The following ASZ1 variants were observed in gnomAD, a reference collection of about 807,000 sequenced individuals.
ASZ1 encodes the protein ankyrin repeat, SAM and basic leucine zipper domain containing 1, also known as ankyrin repeat, SAM and basic leucine zipper domain-containing protein 1.
ASZ1 carries 67 observed loss-of-function variants against 61.8 expected under a neutral mutation model. That is an observed-to-expected ratio of 1.08 (90% CI 0.89 to 1.33). The LOEUF (loss-of-function observed/expected upper bound fraction) is 1.33. Ranked by LOEUF, ASZ1 falls within the 40% of genes most tolerant of loss-of-function variation. The pLI is 0.00. For synonymous variants in ASZ1, 193 were observed against 192.7 expected, an observed-to-expected ratio of 1.00 and a Z score of -0.01; for missense variants, 577 against 554.5, an observed-to-expected ratio of 1.04 and a Z score of -0.41.
Position 117,405,726 on chromosome 7 carries a change from A to T in ASZ1, c.440+14437T>A, listed in dbSNP as rs187301213. 5.8e-4 allele frequency among the ~76,000 whole-genome samples: 88 copies of T among 152,320 alleles called. 1 individual carries two copies. In the Middle Eastern group the frequency reaches 0.014, roughly 24 times the overall value. On this transcript the variant is annotated intron_variant, in intron 4 of 12. Transcript: ENST00000284629. ...GTTGTGTGGGACCTCTACTGACTCA[A>T]ATAGGGATAGCACCATGTTTGAGAG...
chr7:117,364,411 CAGAGAGACAG>C (rs1346052303), intron 12 of ASZ1, among the ~76,000 whole-genome samples: 3 of 108,374 alleles, frequency 2.8e-5, no homozygotes, highest in African/African-American at 5.0e-5. Context: ...CTGTGAGAGA[CAGAGAGACAG>C]AGAGAGAGAG....
intron 2 of ASZ1, among the ~76,000 whole-genome samples, chr7:117,425,424 C>T (rs1477538329): frequency 1.3e-5 from 2 of 151,676 alleles, no homozygotes; most frequent in African/African-American, 2.4e-5. Flanking sequence ...CGCCACCACG[C>T]CCAGCTAATT....
intron 1 of ASZ1, 73 bp from the exon 2 acceptor site, chr7:117,427,008 G>T: frequency 7.2e-7 from 1 of 1,398,030 alleles, no homozygotes; most frequent in Non-Finnish European, 9.7e-7. Flanking sequence ...AAACAATAAT[G>T]TTTGGTTAAG....
intron 9 of ASZ1, among the ~76,000 whole-genome samples, chr7:117,380,594 A>C (rs536868896): frequency 6.6e-6 from 1 of 151,698 alleles, no homozygotes; most frequent in Non-Finnish European, 1.5e-5. Context: ...TCCCGCAGCT[A>C]TATGTTATTA....
intron 4 of ASZ1, among the ~76,000 whole-genome samples, chr7:117,401,618 G>C (rs995050441): frequency 6.6e-6 from 1 of 152,074 alleles, no homozygotes; most frequent in Non-Finnish European, 1.5e-5. Flanking sequence ...TGACAGGCTG[G>C]ACAAGAAAAT....
chr7:117,379,186 CA>C (rs1268423131), intron 10 of ASZ1, among the ~76,000 whole-genome samples: 1 of 146,322 alleles, frequency 6.8e-6, no homozygotes, highest in Non-Finnish European at 1.5e-5. Flanking sequence ...CACACACACA[CA>C]CACACACAAA....
chr7:117,379,911 T>A (rs1796218007), intron 10 of ASZ1, 27 bp downstream of exon 10: 2 of 1,403,816 alleles, frequency 1.4e-6, no homozygotes, highest in Non-Finnish European at 2.0e-6. Flanking sequence ...ACACTATTAA[T>A]AATATAAACA....
chr7:117,419,719 T>C (rs1230733966), intron 4 of ASZ1, among the ~76,000 whole-genome samples: 4 of 152,230 alleles, frequency 2.6e-5, no homozygotes, highest in African/African-American at 9.6e-5. Flanking sequence ...ATACATGTTA[T>C]TACCTAGTTA....
At chr7:117,379,516 C>A (rs1796210958) in intron 10 of ASZ1, among the ~76,000 whole-genome samples, 1 of 151,626 alleles carries the variant, frequency 6.6e-6, no homozygotes, top group African/African-American at 2.4e-5. Flanking sequence ...AACATAATTT[C>A]TCATACAGTA....
At chr7:117,418,314 T>C (rs1430547878) in intron 4 of ASZ1, among the ~76,000 whole-genome samples, 1 of 152,200 alleles carries the variant, frequency 6.6e-6, no homozygotes, top group Non-Finnish European at 1.5e-5. Flanking sequence ...ATCCAAAAGT[T>C]ACATTTTACT....
Position 117,420,193 on chromosome 7 carries a change from G to C in ASZ1, c.410C>G (p.Ser137Ter), listed in dbSNP as rs557326021. ...AGCAACATTTGGATCAGCATTTCTT[G>C]AAAGTAGTAGTTCTACACACTTCAA... Reference protein sequence around the residue: ...QILKCVELLLSRNADPNVACR... With the variant: ...QILKCVELLL The change falls in exon 4 of 13, where the codon TCA (serine) becomes TGA (stop). Residue 137 changes from serine (S) to a stop codon, truncating the protein, a stop_gained. Coordinates refer to ENST00000284629, the MANE Select transcript of ASZ1 (RefSeq NM_130768.3). LOFTEE classifies it high-confidence loss of function. The C allele has an allele frequency of 1.9e-6, 3 of 1,611,168 alleles. No individual in the cohort carries two copies. Among genetic ancestry groups the C allele is most frequent in the Non-Finnish European group, 2.5e-6 (3 of 1,178,998 alleles).
chr7:117,411,768 A>G (rs1796894359), intron 4 of ASZ1, among the ~76,000 whole-genome samples: 1 of 151,800 alleles, frequency 6.6e-6, no homozygotes, highest in Non-Finnish European at 1.5e-5. Context: ...CTACTATAAG[A>G]ATGAAACTGA....
At chr7:117,384,635 C>T in intron 6 of ASZ1, 91 bp downstream of exon 6, 3 of 1,389,728 alleles carry the variant, frequency 2.2e-6, no homozygotes, top group Non-Finnish European at 2.9e-6. Flanking sequence ...ACTATAATTA[C>T]ACTTTTAATT....
intron 4 of ASZ1, among the ~76,000 whole-genome samples, chr7:117,400,910 G>C (rs1439099048): frequency 1.3e-5 from 2 of 152,122 alleles, no homozygotes; most frequent in African/African-American, 4.8e-5. Context: ...TAATTGACGT[G>C]ATCTGCCCTT....
At chr7:117,380,520 A>G (rs1301560182) in intron 9 of ASZ1, among the ~76,000 whole-genome samples, 2 of 151,748 alleles carry the variant, frequency 1.3e-5, no homozygotes, top group Non-Finnish European at 3.0e-5. Flanking sequence ...CAAGTTTCCA[A>G]TGTGGTCATG....
intron 4 of ASZ1, among the ~76,000 whole-genome samples, chr7:117,405,772 C>A (rs2116509821): frequency 6.6e-6 from 1 of 152,306 alleles, no homozygotes; most frequent in East Asian, 1.9e-4. Context: ...AAACCCCAAG[C>A]CAGTGAACGA....
At chr7:117,416,295 T>A (rs1796990141) in intron 4 of ASZ1, among the ~76,000 whole-genome samples, 1 of 152,238 alleles carries the variant, frequency 6.6e-6, no homozygotes, top group African/African-American at 2.4e-5. Flanking sequence ...TAGAAAGACG[T>A]ACTATATTGT....
chr7:117,364,353 CTACT>C (rs1171817401), intron 12 of ASZ1, among the ~76,000 whole-genome samples: 3 of 151,408 alleles, frequency 2.0e-5, no homozygotes, highest in East Asian at 3.8e-4. Context: ...TCTCCCCTAC[CTACT>C]GTGTGTGTGT....
intron 4 of ASZ1, among the ~76,000 whole-genome samples, chr7:117,399,190 A>G (rs1156676698): frequency 6.6e-6 from 1 of 152,170 alleles, no homozygotes; most frequent in African/African-American, 2.4e-5. Context: ...GGATCACACC[A>G]TTGCACTCCA....
Sources: allele counts gnomAD v4.1 joint callset (sites outside exome capture counted in the v4.1 genomes callset), GRCh38; gene constraint gnomAD v4.1.1; transcripts MANE v1.5; gene names NCBI Gene and HGNC (gene_info 2026-07-23, HGNC 2026-07-21).